DGKI: variants seen among roughly 807,000 people sequenced by gnomAD.
DGKI encodes the protein DAG kinase iota.
Under a neutral mutation model 147.5 loss-of-function variants are expected in DGKI, and 55 were observed. That is an observed-to-expected ratio of 0.37 (90% confidence interval 0.30 to 0.47). DGKI has a LOEUF of 0.47. Among genes scored for constraint, DGKI ranks in the 20% least tolerant of loss-of-function variants. The pLI is 1.00. For synonymous variants in DGKI, 469 were observed against 477.1 expected (o/e 0.98, Z 0.22); for missense variants, 1,007 against 1,323.8 (o/e 0.76, Z 3.71).
intron 1 of DGKI, among the ~76,000 whole-genome samples, chr7:137,816,595 C>A (rs926800153): frequency 2.6e-5 from 4 of 152,072 alleles, no homozygotes; most frequent in Admixed American, 6.5e-5. Context: ...CAGCAGTGAA[C>A]CAATCAAAGA....
intron 5 of DGKI, among the ~76,000 whole-genome samples, chr7:137,646,032 AACACAGTAGAGG>A (rs1343287404): frequency 2.6e-5 from 4 of 152,232 alleles, no homozygotes; most frequent in African/African-American, 4.8e-5. Flanking sequence ...CAGATTTGTG[AACACAGTAGAGG>A]ACCTTGAGCT....
intron 5 of DGKI, among the ~76,000 whole-genome samples, chr7:137,648,217 G>GA (rs1275633452): frequency 3.3e-5 from 5 of 152,096 alleles, no homozygotes; most frequent in East Asian, 1.9e-4. Flanking sequence ...TTGATGGTCA[G>GA]AAAAAAATCT....
chr7:137,659,005 T>C (rs1822323500), intron 3 of DGKI, among the ~76,000 whole-genome samples: 1 of 152,254 alleles, frequency 6.6e-6, no homozygotes, highest in Non-Finnish European at 1.5e-5. Context: ...TATGAACTTA[T>C]GTGCCTTTTG....
chr7:137,534,123 A>G (rs1204562834), intron 20 of DGKI, among the ~76,000 whole-genome samples: 1 of 152,152 alleles, frequency 6.6e-6, no homozygotes, highest in East Asian at 1.9e-4. Context: ...TTACCACTTC[A>G]GCAAAGTAAT....
chr7:137,525,626 G>A (rs986832792), intron 20 of DGKI, among the ~76,000 whole-genome samples: 2 of 152,118 alleles, frequency 1.3e-5, no homozygotes, highest in Non-Finnish European at 2.9e-5. Context: ...AAGTGGAGAT[G>A]ATATCAGTAT....
chr7:137,802,084 C>G (rs1285734746), intron 1 of DGKI, among the ~76,000 whole-genome samples: 1 of 152,158 alleles, frequency 6.6e-6, no homozygotes, highest in Non-Finnish European at 1.5e-5. Flanking sequence ...GAAACAATGG[C>G]ATTTGCAGCA....
chr7:137,566,337 A>T (rs17169273), intron 19 of DGKI, among the ~76,000 whole-genome samples: 13,713 of 152,180 alleles, frequency 0.09, 761 homozygotes, highest in South Asian at 0.16. Context: ...GAAATTGAAG[A>T]CTGCAAATTA....
intron 1 of DGKI, among the ~76,000 whole-genome samples, chr7:137,701,543 G>A (rs931662298): frequency 2.0e-5 from 3 of 151,978 alleles, no homozygotes; most frequent in Admixed American, 1.3e-4. Flanking sequence ...CTGTATTTCT[G>A]TATATATGCA....
intron 1 of DGKI, among the ~76,000 whole-genome samples, chr7:137,830,369 C>T (rs184909426): frequency 6.6e-6 from 1 of 152,196 alleles, no homozygotes; most frequent in Non-Finnish European, 1.5e-5. Context: ...AGCCTCAGTG[C>T]CCCCCACCAC....
chr7:137,439,943 G>A (rs539850799), intron 28 of DGKI, among the ~76,000 whole-genome samples: 2 of 152,156 alleles, frequency 1.3e-5, no homozygotes, highest in Non-Finnish European at 2.9e-5. Flanking sequence ...TTTTGTAAAT[G>A]AACAGACATT....
intron 10 of DGKI, among the ~76,000 whole-genome samples, chr7:137,602,633 A>G (rs1381075642): frequency 2.0e-5 from 3 of 152,214 alleles, no homozygotes; most frequent in Non-Finnish European, 4.4e-5. Flanking sequence ...AATGAATTCT[A>G]TTAACTCTGC....
chr7:137,689,196 CCTT>C (rs1255421170), intron 2 of DGKI, among the ~76,000 whole-genome samples: 2 of 152,130 alleles, frequency 1.3e-5, no homozygotes, highest in African/African-American at 4.8e-5. Context: ...TCAGGGAAGC[CCTT>C]CTCTCCCTTG....
At chr7:137,623,665 C>A (rs1820830314) in intron 6 of DGKI, 111 bp from the exon 7 acceptor site, 4 of 862,834 alleles carry the variant, frequency 4.6e-6, no homozygotes, top group South Asian at 4.2e-5. Context: ...AGGACTGTCA[C>A]CCACCACTGG....
intron 21 of DGKI, among the ~76,000 whole-genome samples, chr7:137,509,237 C>G (rs1478777292): frequency 6.6e-6 from 1 of 152,118 alleles, no homozygotes; most frequent in Non-Finnish European, 1.5e-5. Flanking sequence ...CCACCTTTTT[C>G]TTGGACAAAA....
At chr7:137,802,731 C>T (rs781172673) in intron 1 of DGKI, among the ~76,000 whole-genome samples, 43 of 152,182 alleles carry the variant, frequency 2.8e-4, no homozygotes, top group Non-Finnish European at 5.3e-4. Context: ...TCCTCTCCTA[C>T]CGGCCTCTCT....
intron 21 of DGKI, among the ~76,000 whole-genome samples, chr7:137,498,389 C>T (rs913691711): frequency 2.0e-5 from 3 of 151,766 alleles, no homozygotes; most frequent in Admixed American, 6.6e-5. Context: ...ATATAAAAAA[C>T]AAAATGAAGA....
intron 19 of DGKI, among the ~76,000 whole-genome samples, chr7:137,564,938 C>T (rs1563087894): frequency 1.3e-5 from 2 of 152,380 alleles, no homozygotes; most frequent in South Asian, 4.1e-4. Flanking sequence ...CCCAGGAACT[C>T]TGTCTACTAA....
chr7:137,514,445 C>T (rs191294530), intron 21 of DGKI, among the ~76,000 whole-genome samples: 142 of 152,262 alleles, frequency 9.3e-4, no homozygotes, highest in African/African-American at 3.3e-3. Flanking sequence ...ACTACCAATT[C>T]TTAGTGTGCA....
chr7:137,822,868 A>T (rs1032986016), intron 1 of DGKI, among the ~76,000 whole-genome samples: 2 of 152,046 alleles, frequency 1.3e-5, no homozygotes, highest in African/African-American at 4.8e-5. Flanking sequence ...ATCACAAAAA[A>T]TTTAAAAATC....
Sources: allele counts gnomAD v4.1 joint callset (sites outside exome capture counted in the v4.1 genomes callset), GRCh38; gene constraint gnomAD v4.1.1; transcripts MANE v1.5; gene names NCBI Gene and HGNC (gene_info 2026-07-23, HGNC 2026-07-21).